The following PRKN variants were observed in gnomAD, a reference collection of about 807,000 sequenced individuals.
PRKN encodes E3 ubiquitin-protein ligase parkin.
A neutral mutation model predicts 59.5 loss-of-function variants in PRKN; 56 were observed. The ratio of observed to expected loss-of-function variants is 0.94; its 90% CI spans 0.76 to 1.18. The LOEUF is 1.18. PRKN is among the 50% of genes most tolerant of loss of function. The pLI is 0.00. For synonymous variants in PRKN, 250 were observed against 222.1 expected, an observed-to-expected ratio of 1.13 and a Z score of -1.12; for missense variants, 657 against 596.4, an observed-to-expected ratio of 1.10 and a Z score of -1.06.
intron 2 of PRKN, among the ~76,000 whole-genome samples, chr6:162,359,353 A>G (rs1266739545): frequency 6.6e-6 from 1 of 151,930 alleles, no homozygotes; most frequent in East Asian, 1.9e-4. Context: ...GAGCCCTAAC[A>G]TGGCCAATTC....
At chr6:162,366,522 C>T (rs1382557613) in intron 2 of PRKN, among the ~76,000 whole-genome samples, 1 of 152,090 alleles carries the variant, frequency 6.6e-6, no homozygotes, top group Non-Finnish European at 1.5e-5. Context: ...CCAATAGAAA[C>T]TTGCCTGATT....
At chr6:161,677,786 T>C (rs1484710808) in intron 7 of PRKN, among the ~76,000 whole-genome samples, 1 of 152,226 alleles carries the variant, frequency 6.6e-6, no homozygotes, top group African/African-American at 2.4e-5. Flanking sequence ...TTGACTAACA[T>C]TAAGGTGCTT....
intron 6 of PRKN, among the ~76,000 whole-genome samples, chr6:161,902,494 GGTGT>G (rs200898248): frequency 6.7e-6 from 1 of 150,142 alleles, no homozygotes; most frequent in Non-Finnish European, 1.5e-5. Context: ...TAGAGTCACT[GGTGT>G]GTGTGTGTAA....
At chr6:162,724,895 GAGA>G (rs1240681289) in intron 1 of PRKN, among the ~76,000 whole-genome samples, 1 of 152,246 alleles carries the variant, frequency 6.6e-6, no homozygotes, top group Non-Finnish European at 1.5e-5. Context: ...GGGCACCACA[GAGA>G]AGGTTATAGG....
chr6:162,515,703 G>A (rs1402252193), intron 1 of PRKN, among the ~76,000 whole-genome samples: 1 of 151,962 alleles, frequency 6.6e-6, no homozygotes, highest in African/African-American at 2.4e-5. Context: ...ACTTGAATCA[G>A]CTTTCTCTTC....
In PRKN at chr6:161,350,054, G is replaced by C. The variant is rs1394278124; in HGVS notation, c.*45C>G. 1 of 1,175,492 alleles carries C rather than the reference G, an allele frequency of 8.5e-7. No individual in the cohort carries two copies. The highest frequency in any genetic ancestry group is 1.3e-6 in the Non-Finnish European group (1 of 784,446). The allele number at this position is 1,175,492 out of a possible 1,614,324, so 72.8% of individuals were successfully genotyped here. A position where few individuals can be genotyped will look rare whatever the true frequency, so the allele number is the denominator to read the frequency against. ...ATTAGAAAATGAAGGTAGACACTGG[G>C]TATGCTCCCCCAGGATGTGGCGATG... On this transcript the variant is annotated 3_prime_UTR_variant, in exon 12 of 12. Coordinates refer to ENST00000366898, the MANE Select transcript of PRKN (RefSeq NM_004562.3).
chr6:162,109,872 C>G lies in PRKN; in HGVS notation c.535-55698G>C, dbSNP rs147793641. Reference sequence around the variant, plus strand: ...GTGTATATTGGACATTACTCAGGATCTGAAGCATATACAATATCCCCAAGC... The same window carrying G: ...GTGTATATTGGACATTACTCAGGATGTGAAGCATATACAATATCCCCAAGC... On this transcript the variant is annotated intron_variant, in intron 4 of 11. Coordinates refer to ENST00000366898, the MANE Select transcript of PRKN (RefSeq NM_004562.3). 7.2e-3 allele frequency among the ~76,000 whole-genome samples: 1,092 copies of G among 152,286 alleles called. 10 individuals are homozygous for G. Among genetic ancestry groups the G allele is most frequent in the African/African-American group, 0.025 (1,053 of 41,558 alleles).
chr6:162,139,247 T>C (rs149361704), intron 4 of PRKN, among the ~76,000 whole-genome samples: 229 of 151,898 alleles, frequency 1.5e-3, no homozygotes, highest in African/African-American at 5.2e-3. Context: ...AACAATGGTG[T>C]TTCCTTGGCA....
chr6:162,454,345 G>C lies in PRKN; in HGVS notation c.8-10872C>G, dbSNP rs1318913885. The stretch of plus-strand genomic sequence containing the variant: ...TATAGTAAATTGTAATTGGTCTAAA[G>C]TGTCGTTAGTATACTGATAGTGATA... On this transcript the variant is annotated intron_variant, in intron 1 of 11. Transcript: ENST00000366898. Among the ~76,000 whole-genome samples the C allele has an allele frequency of 1.3e-5, 2 of 152,166 alleles. 1 individual carries two copies. The highest frequency in any genetic ancestry group is 4.1e-4 in the South Asian group (2 of 4,832).
chr6:161,565,482 G>C (rs1780607369), intron 8 of PRKN, among the ~76,000 whole-genome samples: 1 of 152,142 alleles, frequency 6.6e-6, no homozygotes, highest in Non-Finnish European at 1.5e-5. Flanking sequence ...TCATGGGGAT[G>C]ATTCCCCCCA....
At position 161,526,821 on chromosome 6, in the gene PRKN, A is replaced by G. The variant is rs1779033560; in HGVS notation, c.1083+22033T>C. On this transcript the variant is annotated intron_variant, in intron 9 of 11. Transcript: ENST00000366898. The surrounding 1 kb of genome is among the most constrained non-coding windows in gnomAD (Gnocchi z 4.1). ...AAATACATACAAATTTATTACATAC[A>G]TATGCATGAGAGTCCCTCAAAATAT... is the stretch of plus-strand genomic sequence containing the variant. Among the ~76,000 whole-genome samples, 1 of 152,204 alleles carries G rather than the reference A, an allele frequency of 6.6e-6. No individual in the cohort carries two copies. The highest frequency in any genetic ancestry group is 2.1e-4 in the South Asian group (1 of 4,832).
chr6:162,549,874 G>A (rs1358280427), intron 1 of PRKN, among the ~76,000 whole-genome samples: 1 of 152,130 alleles, frequency 6.6e-6, no homozygotes, highest in Non-Finnish European at 1.5e-5. Context: ...CTGCCCTCAG[G>A]TGATCATCTG....
At chr6:162,719,373 A>G (rs1294491414) in intron 1 of PRKN, among the ~76,000 whole-genome samples, 4 of 151,988 alleles carry the variant, frequency 2.6e-5, no homozygotes, top group African/African-American at 7.3e-5. Context: ...CTCACCAGAG[A>G]GCTATAAAGG....
intron 6 of PRKN, among the ~76,000 whole-genome samples, chr6:161,883,281 C>G (rs1260101511): frequency 6.6e-6 from 1 of 152,052 alleles, no homozygotes; most frequent in East Asian, 1.9e-4. Context: ...GTGGGCACAT[C>G]ACTTGAGGTC....
At chr6:162,142,267 A>G (rs1477024998) in intron 4 of PRKN, among the ~76,000 whole-genome samples, 1 of 152,204 alleles carries the variant, frequency 6.6e-6, no homozygotes, top group African/African-American at 2.4e-5. Flanking sequence ...TCCAGATGCT[A>G]GCCCTGGCTC....
At chr6:162,403,848 A>T (rs990865963) in intron 2 of PRKN, among the ~76,000 whole-genome samples, 1 of 152,136 alleles carries the variant, frequency 6.6e-6, no homozygotes, top group African/African-American at 2.4e-5. Flanking sequence ...GTTTCAGGGA[A>T]ATGGGTCCAG....
At chr6:162,255,505 T>C (rs1779605063) in intron 3 of PRKN, among the ~76,000 whole-genome samples, 1 of 152,132 alleles carries the variant, frequency 6.6e-6, no homozygotes, top group African/African-American at 2.4e-5. Flanking sequence ...CTTATTAAAA[T>C]GAAGGTTACT....
intron 2 of PRKN, among the ~76,000 whole-genome samples, chr6:162,334,844 A>G (rs1238573857): frequency 1.3e-5 from 2 of 152,190 alleles, no homozygotes; most frequent in African/African-American, 4.8e-5. Context: ...ATGAACAGGA[A>G]TTAGAAGATT....
intron 1 of PRKN, among the ~76,000 whole-genome samples, chr6:162,657,393 A>G (rs1683680238): frequency 6.6e-6 from 1 of 151,960 alleles, no homozygotes; most frequent in Admixed American, 6.5e-5. Context: ...AATCTATATT[A>G]ACAAACTTCC....
Sources: gnomAD v4.1 joint callset for allele counts (sites outside exome capture counted in the v4.1 genomes callset) on GRCh38, gnomAD v4.1.1 for gene constraint, Gnocchi (gnomAD v3.1) non-coding constraint, MANE v1.5 for transcripts, NCBI Gene and HGNC (gene_info 2026-07-23, HGNC 2026-07-21) for gene names.